Variants in FAM107B observed in about 807,000 individuals in gnomAD.
The protein encoded by FAM107B is family with sequence similarity 107 member B.
A neutral mutation model predicts 31.5 loss-of-function variants in FAM107B; 21 were observed. That is an observed-to-expected ratio of 0.67 (90% CI 0.47 to 0.96). The LOEUF (loss-of-function observed/expected upper bound fraction) is 0.96, where lower values mean the gene tolerates loss of function less well. Among genes scored for constraint, FAM107B ranks in the 40% least tolerant of loss-of-function variants. The pLI is 0.00. For synonymous variants in FAM107B, 157 were observed against 141.5 expected (o/e 1.11, Z -0.78); for missense variants, 452 against 377.1 (o/e 1.20, Z -1.64).
chr10:14,664,225 G>A (rs1360387663), intron 2 of FAM107B, among the ~76,000 whole-genome samples: 2 of 152,164 alleles, frequency 1.3e-5, no homozygotes, highest in African/African-American at 4.8e-5. Flanking sequence ...GTGAAGGCAA[G>A]ACTTCCATAG....
At chr10:14,751,391 T>C (rs764581738) in intron 1 of FAM107B, among the ~76,000 whole-genome samples, 1 of 152,132 alleles carries the variant, frequency 6.6e-6, no homozygotes, top group African/African-American at 2.4e-5. Flanking sequence ...AGCAGAACAG[T>C]CCAGCTGGGA....
chr10:14,613,819 C>G (rs1401731795), intron 2 of FAM107B, among the ~76,000 whole-genome samples: 1 of 152,194 alleles, frequency 6.6e-6, no homozygotes, highest in African/African-American at 2.4e-5. Flanking sequence ...AGCTGGACGA[C>G]TGGCTTTTCT....
At chr10:14,636,260 T>C (rs941867993) in intron 2 of FAM107B, among the ~76,000 whole-genome samples, 65 of 56,078 alleles carry the variant, frequency 1.2e-3, no homozygotes, top group African/African-American at 4.9e-3. Flanking sequence ...GTGACTCTTA[T>C]AAAAAGGAGC....
chr10:14,726,381 G>T (rs773885258), intron 1 of FAM107B, among the ~76,000 whole-genome samples: 2 of 152,174 alleles, frequency 1.3e-5, no homozygotes, highest in Non-Finnish European at 2.9e-5. Context: ...GGTGTTATTT[G>T]TGTGCCTGCC....
At chr10:14,725,350 G>T (rs1333139681) in intron 1 of FAM107B, among the ~76,000 whole-genome samples, 2 of 152,172 alleles carry the variant, frequency 1.3e-5, no homozygotes, top group East Asian at 3.9e-4. Flanking sequence ...TCAAAGGCAA[G>T]GTTTGTAAAC....
At chr10:14,581,951 A>C (rs932677353) in intron 2 of FAM107B, among the ~76,000 whole-genome samples, 1 of 152,202 alleles carries the variant, frequency 6.6e-6, no homozygotes, top group Non-Finnish European at 1.5e-5. Flanking sequence ...CCCATTTATC[A>C]TAAGGAGACA....
chr10:14,526,905 T>C (rs1846304762), intron 3 of FAM107B, among the ~76,000 whole-genome samples: 1 of 151,876 alleles, frequency 6.6e-6, no homozygotes, highest in South Asian at 2.1e-4. Context: ...TGGCGCCATC[T>C]CAGCTCACTG....
chr10:14,722,195 T>A (rs986895208), intron 1 of FAM107B, among the ~76,000 whole-genome samples: 1 of 152,198 alleles, frequency 6.6e-6, no homozygotes, highest in African/African-American at 2.4e-5. Flanking sequence ...TCATTCCCCA[T>A]TCCTTCCTCC....
intron 1 of FAM107B, among the ~76,000 whole-genome samples, chr10:14,742,919 C>T (rs377511323): frequency 2.0e-5 from 3 of 152,288 alleles, no homozygotes; most frequent in African/African-American, 4.8e-5. Context: ...TCACCAATGA[C>T]GTCTTTCCAC....
At chr10:14,644,289 A>G (rs183600794) in intron 2 of FAM107B, among the ~76,000 whole-genome samples, 3 of 152,338 alleles carry the variant, frequency 2.0e-5, no homozygotes, top group African/African-American at 7.2e-5. Context: ...TATATTCCAT[A>G]TATTACATTG....
At position 14,672,566 on chromosome 10, in the gene FAM107B, T is replaced by C. The variant is rs149742095; in HGVS notation, c.412-4875A>G. ...ACATAGAAAAGGTACAGTAAAAAGA[T>C]AGTTTATAACCTGATGGGACCTCCA... is the stretch of plus-strand genomic sequence containing the variant. On this transcript the variant is annotated intron_variant, in intron 1 of 4. Transcript: ENST00000181796. Among the ~76,000 whole-genome samples, 806 of 152,338 alleles carry C rather than the reference T, an allele frequency of 5.3e-3. 22 individuals carry two copies. The highest frequency in any genetic ancestry group is 0.045 in the Admixed American group (690 of 15,304).
intron 2 of FAM107B, among the ~76,000 whole-genome samples, chr10:14,654,994 A>T (rs1854007008): frequency 1.3e-5 from 2 of 152,202 alleles, no homozygotes; most frequent in Non-Finnish European, 2.9e-5. Flanking sequence ...GGTAATTCAT[A>T]AAGGAAAGAG....
chr10:14,560,518 A>G (rs1227180745), intron 2 of FAM107B, among the ~76,000 whole-genome samples: 1 of 152,228 alleles, frequency 6.6e-6, no homozygotes, highest in Admixed American at 6.5e-5. Flanking sequence ...TGGAGGAACC[A>G]GCCTGAGTCA....
chr10:14,622,052 T>C (rs968729746), intron 2 of FAM107B, among the ~76,000 whole-genome samples: 3 of 152,202 alleles, frequency 2.0e-5, no homozygotes, highest in Non-Finnish European at 4.4e-5. Flanking sequence ...AGTCTCTCCA[T>C]GGAGTAACAT....
chr10:14,565,299 C>A (rs1850567854), intron 2 of FAM107B, among the ~76,000 whole-genome samples: 1 of 152,112 alleles, frequency 6.6e-6, no homozygotes. Context: ...GCCGAGGTCA[C>A]CATGAGAACA....
chr10:14,667,473 A>T (rs1288702034), intron 2 of FAM107B, among the ~76,000 whole-genome samples, 161 bp downstream of exon 2: 1 of 152,228 alleles, frequency 6.6e-6, no homozygotes, highest in African/African-American at 2.4e-5. Context: ...GATTGTCCAG[A>T]TGTCGTGCCT....
chr10:14,616,367 C>A (rs1312841605), intron 2 of FAM107B, among the ~76,000 whole-genome samples: 1 of 152,128 alleles, frequency 6.6e-6, no homozygotes. Context: ...ACTGAGATTT[C>A]CATAATTCTC....
intron 2 of FAM107B, among the ~76,000 whole-genome samples, chr10:14,647,046 G>A (rs1031662735): frequency 4.6e-5 from 7 of 151,742 alleles, no homozygotes; most frequent in Admixed American, 3.3e-4. Flanking sequence ...CGCCTGCCTC[G>A]GCCTCCCAAA....
chr10:14,724,165 C>A, intron 1 of FAM107B: 1 of 465,016 alleles, frequency 2.2e-6, no homozygotes, highest in Non-Finnish European at 3.9e-6. Flanking sequence ...GTGTCTTCTA[C>A]GTGTCTTATA....
Sources: allele counts gnomAD v4.1 joint callset (sites outside exome capture counted in the v4.1 genomes callset), GRCh38; gene constraint gnomAD v4.1.1; transcripts MANE v1.5; gene names NCBI Gene and HGNC (gene_info 2026-07-23, HGNC 2026-07-21).